The following PTPN4 variants were observed in gnomAD, a reference collection of about 807,000 sequenced individuals.
The protein encoded by PTPN4 is tyrosine-protein phosphatase non-receptor type 4.
In PTPN4, 49 loss-of-function variants were observed where a neutral mutation model predicts 135.5. The ratio of observed to expected loss-of-function variants is 0.36; its 90% CI spans 0.29 to 0.46. The LOEUF is 0.46. Ranked by LOEUF, PTPN4 falls within the 20% of genes least tolerant of loss-of-function variation. The probability of loss-of-function intolerance (pLI) is 1.00; values close to 1 mark genes in which losing one functional copy is unlikely to be tolerated. For synonymous variants in PTPN4, 333 were observed against 369.9 expected, an observed-to-expected ratio of 0.90 and a Z score of 1.14; for missense variants, 860 against 1,101.0, an observed-to-expected ratio of 0.78 and a Z score of 3.10.
chr2:119,914,239 A>G (rs1319093233), intron 10 of PTPN4, among the ~76,000 whole-genome samples: 1 of 124,268 alleles, frequency 8.0e-6, no homozygotes. Context: ...TACAGTCAAT[A>G]GTTACTCAAT....
intron 2 of PTPN4, among the ~76,000 whole-genome samples, chr2:119,844,975 G>A (rs1319694266): frequency 2.7e-5 from 4 of 150,780 alleles, no homozygotes; most frequent in African/African-American, 4.9e-5. Context: ...TGAGCACTGA[G>A]TGAACGAGAC....
At chr2:119,872,047 A>T (rs1166887181) in intron 3 of PTPN4, among the ~76,000 whole-genome samples, 1 of 152,162 alleles carries the variant, frequency 6.6e-6, no homozygotes, top group Admixed American at 6.5e-5. Flanking sequence ...TCAGACGAGG[A>T]TTTATTGAAC....
chr2:119,760,031 G>C lies in PTPN4; in HGVS notation c.-371G>C. ...GGTCCCAGGGGCCGGAATTGGGCCT[G>C]AGCGGGAGAGGAAAGAGACTTGGCT... On this transcript the variant is annotated 5_prime_UTR_variant, in exon 1 of 27. Coordinates refer to ENST00000263708, the MANE Select transcript of PTPN4 (RefSeq NM_002830.4). 2.6e-6 allele frequency: 1 copy of C among 382,808 alleles called. No individual in the cohort carries two copies. Among genetic ancestry groups the C allele is most frequent in the Non-Finnish European group, 4.6e-6 (1 of 216,286 alleles). The allele number at this position is 382,808 out of a possible 1,614,324, so 23.7% of individuals were successfully genotyped here.
intron 1 of PTPN4, among the ~76,000 whole-genome samples, chr2:119,771,817 T>C (rs1466470295): frequency 2.0e-5 from 3 of 152,358 alleles, no homozygotes; most frequent in African/African-American, 7.2e-5. Context: ...ATGTTAGTTG[T>C]TATAAGTCCA....
chr2:119,882,041 C>A, intron 6 of PTPN4, 56 bp from the exon 7 acceptor site: 2 of 1,442,070 alleles, frequency 1.4e-6, no homozygotes. Context: ...AATTATAGCA[C>A]TTTTGAAATT....
chr2:119,841,694 G>T lies in PTPN4; in HGVS notation c.139-20842G>T, dbSNP rs188398952. Among the ~76,000 whole-genome samples the T allele has an allele frequency of 7.2e-5, 11 of 151,872 alleles. No individual in the cohort carries two copies. In the East Asian group the frequency reaches 2.1e-3, roughly 29 times the overall value. On this transcript the variant is annotated intron_variant, in intron 2 of 26. Coordinates refer to ENST00000263708, the MANE Select transcript of PTPN4 (RefSeq NM_002830.4). ...TACACAATTTATGTTCTCTCTACCA[G>T]TTTATGAATGTATCTGTTTCTTCTC...
chr2:119,812,066 T>C (rs1035306399), intron 2 of PTPN4, among the ~76,000 whole-genome samples: 8 of 152,136 alleles, frequency 5.3e-5, no homozygotes, highest in African/African-American at 1.9e-4. Context: ...AAATTGCTGG[T>C]TATGTGGTAT....
chr2:119,882,478 G>A (rs1287239033), intron 7 of PTPN4, 25 bp from the exon 8 acceptor site: 1 of 1,481,802 alleles, frequency 6.7e-7, no homozygotes, highest in Admixed American at 2.6e-5. Flanking sequence ...TTATTAAAAT[G>A]TGAATGTTTT....
chr2:119,946,696 T>TA (rs1679137773), intron 18 of PTPN4, 122 bp downstream of exon 18: 1 of 809,176 alleles, frequency 1.2e-6, no homozygotes, highest in African/African-American at 1.7e-5. Context: ...AAGTGTCAAA[T>TA]GTTGGCTGAA....
In PTPN4 at chr2:119,956,915, A is replaced by G; in HGVS notation, c.2052A>G (p.Arg684=). The change falls in exon 21 of 27, where the codon AGA becomes AGG. Residue 684 remains arginine, a synonymous_variant. Coordinates refer to ENST00000263708, the MANE Select transcript of PTPN4 (RefSeq NM_002830.4). ...TACCTCAGAATATTTCCAAAAATAG[A>G]TACAGAGATATTTCGCCTTGTAAGT... ...AKLPQNISKN[R]YRDISPYDAT... The G allele has an allele frequency of 6.2e-7, 1 of 1,610,546 alleles. No individual in the cohort carries two copies. Among genetic ancestry groups the G allele is most frequent in the Non-Finnish European group, 8.5e-7 (1 of 1,179,270 alleles).
intron 2 of PTPN4, among the ~76,000 whole-genome samples, chr2:119,819,076 C>A (rs1677028339): frequency 6.6e-6 from 1 of 152,112 alleles, no homozygotes; most frequent in Admixed American, 6.6e-5. Flanking sequence ...AATAACCTAT[C>A]CCCAAAACCC....
intron 14 of PTPN4, 24 bp downstream of exon 14, chr2:119,932,573 C>CA: frequency 6.4e-7 from 1 of 1,571,504 alleles, no homozygotes; most frequent in Non-Finnish European, 8.6e-7. Context: ...TTGTGACCAA[C>CA]ATCAGGTGTG....
At chr2:119,937,780 A>T (rs1469516862) in intron 15 of PTPN4, among the ~76,000 whole-genome samples, 3 of 152,172 alleles carry the variant, frequency 2.0e-5, no homozygotes, top group Non-Finnish European at 4.4e-5. Flanking sequence ...CCAAAATGTC[A>T]GATTGCCAAG....
In PTPN4 at chr2:119,938,434, G is replaced by A. The variant is rs117242679; in HGVS notation, c.1355+3476G>A. On this transcript the variant is annotated intron_variant, in intron 15 of 26. Coordinates refer to ENST00000263708, the MANE Select transcript of PTPN4 (RefSeq NM_002830.4). ...GAGCCACCATGCCTGGCTAATGTGG[G>A]TAAATTTTTTATGTGGGTAAACTGT... is the stretch of plus-strand genomic sequence containing the variant. Among the ~76,000 whole-genome samples the A allele has an allele frequency of 7.6e-3, 1,149 of 152,098 alleles. 31 individuals carry two copies. In the East Asian group the frequency reaches 0.076, roughly 10 times the overall value.
chr2:119,776,494 T>G (rs1690839697), intron 1 of PTPN4, among the ~76,000 whole-genome samples: 1 of 152,108 alleles, frequency 6.6e-6, no homozygotes, highest in African/African-American at 2.4e-5. Flanking sequence ...ACATTTTAAG[T>G]GAAAGTTTTA....
At chr2:119,768,683 C>T (rs1184015304) in intron 1 of PTPN4, among the ~76,000 whole-genome samples, 6 of 152,138 alleles carry the variant, frequency 3.9e-5, no homozygotes, top group South Asian at 4.1e-4. Context: ...GCCAGTCTTC[C>T]GACCCCGCAT....
intron 12 of PTPN4, among the ~76,000 whole-genome samples, chr2:119,923,617 A>C (rs2105030960): frequency 6.6e-6 from 1 of 152,216 alleles, no homozygotes; most frequent in South Asian, 2.1e-4. Context: ...AATTCAGCAA[A>C]CCAGGAGATA....
intron 9 of PTPN4, among the ~76,000 whole-genome samples, chr2:119,897,930 C>T (rs765413980): frequency 3.9e-5 from 6 of 152,268 alleles, no homozygotes; most frequent in East Asian, 1.9e-4. Context: ...GTTCCAAGTA[C>T]GATCCACAGA....
chr2:119,790,505 A>G (rs1457182169), intron 1 of PTPN4, among the ~76,000 whole-genome samples: 4 of 151,962 alleles, frequency 2.6e-5, no homozygotes, highest in African/African-American at 9.7e-5. Flanking sequence ...GTATTAGTAT[A>G]GGTATGGTAG....
Sources: gnomAD v4.1 joint callset for allele counts (sites outside exome capture counted in the v4.1 genomes callset) on GRCh38, gnomAD v4.1.1 for gene constraint, MANE v1.5 for transcripts, NCBI Gene and HGNC (gene_info 2026-07-23, HGNC 2026-07-21) for gene names.